The following MAFK variants were observed in gnomAD, a reference collection of about 807,000 sequenced individuals.
MAFK encodes MAF bZIP transcription factor K.
Under a neutral mutation model 9.2 loss-of-function variants are expected in MAFK, and 1 was observed. That is an observed-to-expected ratio of 0.11 (90% CI 0.04 to 0.52). The LOEUF (loss-of-function observed/expected upper bound fraction) is 0.52. Ranked by LOEUF, MAFK falls within the 20% of genes least tolerant of loss-of-function variation. MAFK has a pLI of 0.94. For missense variants in MAFK, 207 were observed against 236.0 expected, an observed-to-expected ratio of 0.88 and a Z score of 0.81; for synonymous variants, 110 against 107.4, an observed-to-expected ratio of 1.02 and a Z score of -0.15.
At position 1,534,596 on chromosome 7, in the gene MAFK, CCA is replaced by C. The variant is rs1783983590; in HGVS notation, c.-45+3701_-45+3702del. 2.2e-6 allele frequency: 1 copy of C among 456,348 alleles called. No individual in the cohort carries two copies. Among genetic ancestry groups the C allele is most frequent in the Non-Finnish European group, 4.4e-6 (1 of 226,908 alleles). 28.3% of individuals were successfully genotyped at this position (456,348 alleles called of 1,614,324 possible). A position where few individuals can be genotyped will look rare whatever the true frequency, so the allele number is the denominator to read the frequency against. On this transcript the variant is annotated intron_variant, in intron 1 of 2. Transcript: ENST00000343242. This position sits in a 1 kb window ranked among gnomAD's most constrained non-coding sequence, Gnocchi z 4.3. ...CTGCCCCTCCTCCCTCTCCCGCATC[CCA>C]CATCCTCGGAGACCCGCGGAGAATA... is the stretch of plus-strand genomic sequence containing the variant.
chr7:1,539,064 G>A, intron 1 of MAFK, 85 bp from the exon 2 acceptor site: 1 of 1,017,016 alleles, frequency 9.8e-7, no homozygotes, highest in South Asian at 1.3e-5. Flanking sequence ...GGGCTGAGAA[G>A]CATCCCTGCA....
chr7:1,537,798 C>T, intron 1 of MAFK: 1 of 704,560 alleles, frequency 1.4e-6, no homozygotes, highest in Middle Eastern at 7.2e-4. Context: ...CGAGGGCTCC[C>T]TGGCCCAGGG....
chr7:1,534,924 G>T lies in MAFK; in HGVS notation c.-45+4026G>T, dbSNP rs1436708875. The stretch of plus-strand genomic sequence containing the variant: ...CTCTCTCTTTTTTTTTTTCCTAAAA[G>T]ATAAGGTCTTGCCCTGTCACTCAGG... On this transcript the variant is annotated intron_variant, in intron 1 of 2. Coordinates refer to ENST00000343242, the MANE Select transcript of MAFK (RefSeq NM_002360.4). This position sits in a 1 kb window ranked among gnomAD's most constrained non-coding sequence, Gnocchi z 4.3. Among the ~76,000 whole-genome samples the T allele has an allele frequency of 4.0e-5, 6 of 151,024 alleles. No individual in the cohort carries two copies. The highest frequency in any genetic ancestry group is 2.4e-5 in the African/African-American group (1 of 41,022).
At chr7:1,536,446 C>T (rs1784032266) in intron 1 of MAFK, among the ~76,000 whole-genome samples, 1 of 152,168 alleles carries the variant, frequency 6.6e-6, no homozygotes, top group Non-Finnish European at 1.5e-5. Flanking sequence ...GCACGGGCGT[C>T]TCTGCGACCC....
chr7:1,535,517 T>G (rs1247971583), intron 1 of MAFK, among the ~76,000 whole-genome samples: 1 of 152,138 alleles, frequency 6.6e-6, no homozygotes, highest in Non-Finnish European at 1.5e-5. Context: ...TCTCTGGGTG[T>G]GGGGGTGCCC....
intron 1 of MAFK, among the ~76,000 whole-genome samples, chr7:1,536,760 C>T (rs1019795847): frequency 6.6e-6 from 1 of 152,250 alleles, no homozygotes; most frequent in Non-Finnish European, 1.5e-5. Flanking sequence ...GAGGGAGGCG[C>T]CAGCACCATC....
intron 1 of MAFK, chr7:1,538,261 G>A (rs1438885805): frequency 1.0e-6 from 1 of 984,976 alleles, no homozygotes; most frequent in African/African-American, 1.7e-5. Context: ...GACGGCGGGG[G>A]CGGCGGCGGG....
rs1453696528 is a variant in MAFK, at chr7:1,532,964, G to C, written c.-45+2066G>C. ...CCCACCCTCCCTGCTCTCCGCGAATGGAAGATGCCTTTCCCCGCTATTTAT... is the reference window on the plus strand; with the variant it reads ...CCCACCCTCCCTGCTCTCCGCGAATCGAAGATGCCTTTCCCCGCTATTTAT... On this transcript the variant is annotated intron_variant, in intron 1 of 2. Transcript: ENST00000343242. The surrounding 1 kb of genome is among the most constrained non-coding windows in gnomAD (Gnocchi z 4.5). Among the ~76,000 whole-genome samples, 2 of 152,184 alleles carry C rather than the reference G, an allele frequency of 1.3e-5. No homozygotes were observed. Among genetic ancestry groups the C allele is most frequent in the Non-Finnish European group, 1.5e-5 (1 of 68,036 alleles).
At chr7:1,539,249 G>C (rs369311245) in intron 2 of MAFK, 21 bp downstream of exon 2, 17 of 1,602,294 alleles carry the variant, frequency 1.1e-5, no homozygotes, top group Non-Finnish European at 1.4e-5. Context: ...TTCCAAGCAG[G>C]CCCCGTCTCA....
chr7:1,541,576 G>C lies in MAFK; in HGVS notation c.*1201G>C, dbSNP rs1464410758. 2 of 152,620 alleles carry C rather than the reference G, an allele frequency of 1.3e-5. No individual in the cohort carries two copies. Among genetic ancestry groups the C allele is most frequent in the African/African-American group, 4.8e-5 (2 of 41,402 alleles). 9.5% of individuals were successfully genotyped at this position (152,620 alleles called of 1,614,324 possible). On this transcript the variant is annotated 3_prime_UTR_variant, in exon 3 of 3. Coordinates refer to ENST00000343242, the MANE Select transcript of MAFK (RefSeq NM_002360.4). ...TCAGGAGTGAGCCTGGCACTCCAGA[G>C]GGCGCGGCGGGTGGGGAGGCAGCAG... is the stretch of plus-strand genomic sequence containing the variant.
At position 1,530,875 on chromosome 7, in the gene MAFK, C is replaced by T. The variant is rs1163459020; in HGVS notation, c.-68C>T. ...CGTGCCCGCGAGGAGCCGCCGCGCG[C>T]CCGCGCCCTCCGCGCGACGCCAGGT... On this transcript the variant is annotated 5_prime_UTR_variant, in exon 1 of 3. Transcript: ENST00000343242. 1.4e-5 allele frequency: 2 copies of T among 145,776 alleles called. No individual in the cohort carries two copies. Among genetic ancestry groups the T allele is most frequent in the African/African-American group, 2.5e-5 (1 of 40,492 alleles). The allele number at this position is 145,776 out of a possible 1,614,324, so 9.0% of individuals were successfully genotyped here. A position where few individuals can be genotyped will look rare whatever the true frequency, so the allele number is the denominator to read the frequency against.
chr7:1,540,144 G>A lies in MAFK; in HGVS notation c.240G>A (p.Glu80=). ...IKRVTQKEEL[E]RQRVELQQEV... ...GGGTGACGCAGAAGGAGGAGCTGGA[G>A]CGGCAGCGCGTGGAGCTGCAGCAGG... The change falls in exon 3 of 3, where the codon GAG becomes GAA. Residue 80 remains glutamate (E), a synonymous_variant. Coordinates refer to ENST00000343242, the MANE Select transcript of MAFK (RefSeq NM_002360.4). 2 of 1,570,434 alleles carry A rather than the reference G, an allele frequency of 1.3e-6. No individual in the cohort carries two copies. The highest frequency in any genetic ancestry group is 8.6e-7 in the Non-Finnish European group (1 of 1,157,984).
intron 1 of MAFK, among the ~76,000 whole-genome samples, chr7:1,535,935 C>T (rs1784017440): frequency 6.6e-6 from 1 of 152,248 alleles, no homozygotes; most frequent in Non-Finnish European, 1.5e-5. Flanking sequence ...GGAATTGCCT[C>T]TGTCTGAGGC....
chr7:1,539,224 T>C lies in MAFK; in HGVS notation c.32T>C (p.Leu11Ser), dbSNP rs1053427928. The C allele has an allele frequency of 6.2e-7, 1 of 1,610,820 alleles. No individual in the cohort carries two copies. Among genetic ancestry groups the C allele is most frequent in the African/African-American group, 1.3e-5 (1 of 74,718 alleles). Residue 11 changes from leucine (L) to serine (S), a missense_variant, in exon 2 of 3, where the codon TTA becomes TCA. Physicochemically the swap from Leu to Ser is moderately radical, Grantham distance 145 (BLOSUM62 -2). Transcript: ENST00000343242. MTTNPKPNKA[L>S]KVKKEAGENA... The stretch of plus-strand genomic sequence containing the variant: ...ACTAATCCCAAACCGAATAAGGCAT[T>C]AAAGGTAAGGCTGGTTCCAAGCAGG...
chr7:1,539,926 A>G lies in MAFK; in HGVS notation c.37-15A>G, dbSNP rs1217915603. 2.0e-6 allele frequency: 3 copies of G among 1,511,486 alleles called. No homozygotes were observed. The highest frequency in any genetic ancestry group is 1.3e-5 in the South Asian group (1 of 78,776). The allele number at this position is 1,511,486 out of a possible 1,614,324, so 93.6% of individuals were successfully genotyped here. The stretch of plus-strand genomic sequence containing the variant: ...CACGTTCTCCCGCCGCTGACCCCGC[A>G]CTGTGGCCCCCCAGGTCAAGAAGGA... On this transcript the variant is annotated splice_polypyrimidine_tract_variant and intron_variant, in intron 2 of 2. Transcript: ENST00000343242.
chr7:1,533,547 G>T (rs546569273), intron 1 of MAFK, among the ~76,000 whole-genome samples: 1 of 152,320 alleles, frequency 6.6e-6, no homozygotes, highest in South Asian at 2.1e-4. Flanking sequence ...GGGGAGTCGG[G>T]GTTTGGGAGG....
At chr7:1,535,775 C>T (rs1784012782) in intron 1 of MAFK, among the ~76,000 whole-genome samples, 1 of 152,216 alleles carries the variant, frequency 6.6e-6, no homozygotes, top group African/African-American at 2.4e-5. Context: ...CCGGGGGGAG[C>T]CCAGGGCTCT....
chr7:1,533,786 G>A (rs1009769095), intron 1 of MAFK, among the ~76,000 whole-genome samples: 2 of 151,972 alleles, frequency 1.3e-5, no homozygotes, highest in African/African-American at 4.8e-5. Context: ...GAATGATGCG[G>A]TTGGGGGCTG....
chr7:1,533,840 G>A (rs1356592948), intron 1 of MAFK, among the ~76,000 whole-genome samples: 1 of 152,174 alleles, frequency 6.6e-6, no homozygotes, highest in Non-Finnish European at 1.5e-5. Context: ...TGGACTTAGA[G>A]GCTGGGAGCG....
Sources: allele counts gnomAD v4.1 joint callset (sites outside exome capture counted in the v4.1 genomes callset), GRCh38; gene constraint gnomAD v4.1.1; non-coding constraint Gnocchi (gnomAD v3.1); transcripts MANE v1.5; gene names NCBI Gene and HGNC (gene_info 2026-07-23, HGNC 2026-07-21).